The following TMTC2 variants were observed in gnomAD, a reference collection of about 807,000 sequenced individuals.
TMTC2 encodes the protein protein O-mannosyl-transferase TMTC2.
In TMTC2, 43 loss-of-function variants were observed where a neutral mutation model predicts 82.4. The ratio of observed to expected loss-of-function variants is 0.52; its 90% CI spans 0.41 to 0.67. The LOEUF (loss-of-function observed/expected upper bound fraction) is 0.67. Ranked by LOEUF, TMTC2 falls within the 30% of genes least tolerant of loss-of-function variation. The pLI is 0.00. For synonymous variants in TMTC2, 408 were observed against 381.9 expected, an observed-to-expected ratio of 1.07 and a Z score of -0.80; for missense variants, 919 against 1,012.4, an observed-to-expected ratio of 0.91 and a Z score of 1.25.
intron 1 of TMTC2, among the ~76,000 whole-genome samples, chr12:82,829,585 A>G (rs1322331348): frequency 1.3e-5 from 2 of 152,220 alleles, no homozygotes; most frequent in African/African-American, 4.8e-5. Context: ...TCTATGATAG[A>G]TACTAGTACC....
chr12:82,997,019 G>T (rs1879650491), intron 8 of TMTC2, among the ~76,000 whole-genome samples: 2 of 151,962 alleles, frequency 1.3e-5, no homozygotes, highest in African/African-American at 4.8e-5. Context: ...TTTGGCTCAA[G>T]ATGTTTTCCT....
At chr12:83,038,652 A>G (rs1881765912) in intron 9 of TMTC2, among the ~76,000 whole-genome samples, 1 of 152,154 alleles carries the variant, frequency 6.6e-6, no homozygotes, top group African/African-American at 2.4e-5. Flanking sequence ...TAATAATGAG[A>G]CAACTGCCTA....
At chr12:82,821,220 C>T (rs950534961) in intron 1 of TMTC2, among the ~76,000 whole-genome samples, 4 of 152,154 alleles carry the variant, frequency 2.6e-5, no homozygotes, top group African/African-American at 7.2e-5. Context: ...ATCCTTTTTA[C>T]TAGTCTGTTG....
intron 1 of TMTC2, among the ~76,000 whole-genome samples, chr12:82,719,690 G>A (rs1264016939): frequency 2.6e-4 from 4 of 15,302 alleles, no homozygotes; most frequent in African/African-American, 9.2e-4. Flanking sequence ...TTTTTTTTTC[G>A]TAATGTCATA....
At chr12:83,003,115 T>C (rs539010957) in intron 8 of TMTC2, among the ~76,000 whole-genome samples, 343 of 152,276 alleles carry the variant, frequency 2.3e-3, no homozygotes, top group African/African-American at 8.0e-3. Context: ...TTGCTATGTA[T>C]ATATTTAGGA....
chr12:82,889,549 A>G (rs187520736), intron 2 of TMTC2, among the ~76,000 whole-genome samples: 116 of 152,230 alleles, frequency 7.6e-4, no homozygotes, highest in Non-Finnish European at 1.4e-3. Context: ...TGTTTGGTAT[A>G]AATACTTCTA....
At chr12:82,734,082 ACAT>A (rs1422802854) in intron 1 of TMTC2, among the ~76,000 whole-genome samples, 1 of 152,252 alleles carries the variant, frequency 6.6e-6, no homozygotes, top group African/African-American at 2.4e-5. Flanking sequence ...TGGGCAGATC[ACAT>A]CAGGGTATGT....
At chr12:82,843,098 C>T (rs149333027) in intron 1 of TMTC2, among the ~76,000 whole-genome samples, 2 of 150,962 alleles carry the variant, frequency 1.3e-5, no homozygotes, top group Non-Finnish European at 1.5e-5. Flanking sequence ...CTAATAGTCT[C>T]GAGTAGGACT....
chr12:82,961,432 G>A (rs1237623752), intron 4 of TMTC2, among the ~76,000 whole-genome samples: 1 of 151,818 alleles, frequency 6.6e-6, no homozygotes, highest in Non-Finnish European at 1.5e-5. Flanking sequence ...ATAAAATTCG[G>A]CAAGTTTTAC....
rs1254808287 is a variant in TMTC2, at chr12:82,872,013, C to CT, written c.654+14433_654+14434insT. Among the ~76,000 whole-genome samples the CT allele has an allele frequency of 5.0e-5, 7 of 140,856 alleles. 1 individual carries two copies. Among genetic ancestry groups the CT allele is most frequent in the South Asian group, 2.5e-4 (1 of 4,070 alleles). 92.4% of individuals were successfully genotyped at this position (140,856 alleles called of 152,430 possible). On this transcript the variant is annotated intron_variant, in intron 2 of 11. Coordinates refer to ENST00000321196, the MANE Select transcript of TMTC2 (RefSeq NM_152588.3). ...CAAAAAAGTTGAACAACACCCCCCC[C>CT]CCCGCCCACACCCCGCAGTTGCCTA...
intron 4 of TMTC2, among the ~76,000 whole-genome samples, chr12:82,959,790 A>G (rs1339267541): frequency 6.6e-6 from 1 of 152,130 alleles, no homozygotes; most frequent in Admixed American, 6.6e-5. Flanking sequence ...CCAAGTCCTC[A>G]GAAGACATTG....
intron 2 of TMTC2, among the ~76,000 whole-genome samples, chr12:82,867,372 T>A (rs563989548): frequency 5.3e-5 from 8 of 152,136 alleles, no homozygotes; most frequent in Non-Finnish European, 7.4e-5. Context: ...GGGGGATCTG[T>A]GTTGTCTGTG....
At chr12:82,752,984 C>T (rs372084559) in intron 1 of TMTC2, among the ~76,000 whole-genome samples, 2 of 152,176 alleles carry the variant, frequency 1.3e-5, no homozygotes, top group South Asian at 2.1e-4. Flanking sequence ...CTGCTGTTCT[C>T]GAGGGCTGCT....
intron 2 of TMTC2, among the ~76,000 whole-genome samples, chr12:82,882,541 G>T (rs1312754613): frequency 6.6e-6 from 1 of 152,034 alleles, no homozygotes; most frequent in Non-Finnish European, 1.5e-5. Context: ...AGGGGAAGAG[G>T]ATGACCCTCT....
intron 1 of TMTC2, among the ~76,000 whole-genome samples, chr12:82,729,139 C>T (rs1874624870): frequency 6.6e-6 from 1 of 152,236 alleles, no homozygotes; most frequent in South Asian, 2.1e-4. Context: ...GGCAGCTCCA[C>T]CTGTGGCCCC....
chr12:82,844,093 C>A (rs1053587362), intron 1 of TMTC2, among the ~76,000 whole-genome samples: 3 of 152,236 alleles, frequency 2.0e-5, no homozygotes, highest in African/African-American at 4.8e-5. Context: ...GTTAGTTTCT[C>A]CCTTTAAAAC....
intron 4 of TMTC2, among the ~76,000 whole-genome samples, chr12:82,952,735 G>T (rs912336933): frequency 1.3e-5 from 2 of 151,850 alleles, no homozygotes; most frequent in African/African-American, 4.8e-5. Flanking sequence ...GTGTTTTTTT[G>T]TTTGTTTGTT....
intron 1 of TMTC2, among the ~76,000 whole-genome samples, chr12:82,847,489 T>G (rs1870748648): frequency 6.6e-6 from 1 of 152,134 alleles, no homozygotes; most frequent in Non-Finnish European, 1.5e-5. Context: ...TAAAGACACA[T>G]GCACACGTAT....
At position 82,782,331 on chromosome 12, in the gene TMTC2, C is replaced by T. The variant is rs548075845; in HGVS notation, c.84-74679C>T. Among the ~76,000 whole-genome samples, 9 of 152,136 alleles carry T rather than the reference C, an allele frequency of 5.9e-5. No individual in the cohort carries two copies. In the East Asian group the frequency reaches 1.5e-3, roughly 26 times the overall value. ...GTTTGATTAAACTGATTGAACAAAA[C>T]GAAAAAATTCAGTGGACTCTTATGT... On this transcript the variant is annotated intron_variant, in intron 1 of 11. Transcript: ENST00000321196.
Sources: gnomAD v4.1 joint callset for allele counts (sites outside exome capture counted in the v4.1 genomes callset) on GRCh38, gnomAD v4.1.1 for gene constraint, MANE v1.5 for transcripts, NCBI Gene and HGNC (gene_info 2026-07-23, HGNC 2026-07-21) for gene names.